ADAM22: variants seen among roughly 807,000 people sequenced by gnomAD.
ADAM22 encodes disintegrin and metalloproteinase domain-containing protein 22.
Under a neutral mutation model 144.6 loss-of-function variants are expected in ADAM22, and 65 were observed. The ratio of observed to expected loss-of-function variants is 0.45; its 90% CI spans 0.37 to 0.55. The LOEUF is 0.55. Among genes scored for constraint, ADAM22 ranks in the 20% least tolerant of loss-of-function variants. ADAM22 has a pLI of 0.00. For synonymous variants in ADAM22, 391 were observed against 412.6 expected (o/e 0.95, Z 0.63); for missense variants, 974 against 1,184.9 (o/e 0.82, Z 2.61).
chr7:87,940,053 G>T (rs1842158563), intron 2 of ADAM22, among the ~76,000 whole-genome samples: 1 of 151,994 alleles, frequency 6.6e-6, no homozygotes, highest in Non-Finnish European at 1.5e-5. Flanking sequence ...TTAGCCTGGT[G>T]TGGTGGTGGG....
chr7:88,136,511 A>C (rs1055861680), intron 14 of ADAM22, among the ~76,000 whole-genome samples: 4 of 152,128 alleles, frequency 2.6e-5, no homozygotes, highest in African/African-American at 9.7e-5. Context: ...AGAGAAATGT[A>C]CAATCTGCTC....
At chr7:87,988,509 A>G (rs1472763676) in intron 3 of ADAM22, among the ~76,000 whole-genome samples, 2 of 152,210 alleles carry the variant, frequency 1.3e-5, no homozygotes, top group Non-Finnish European at 2.9e-5. Context: ...ATAGTAGGAT[A>G]TATATTAAGT....
intron 4 of ADAM22, among the ~76,000 whole-genome samples, chr7:88,083,736 G>T (rs1285191416): frequency 6.6e-6 from 1 of 151,578 alleles, no homozygotes; most frequent in Admixed American, 6.6e-5. Flanking sequence ...TTAAAATCTG[G>T]TAATTCTTGT....
In ADAM22 at chr7:88,031,295, G is replaced by A. The variant is rs566767520; in HGVS notation, c.324-44331G>A. Among the ~76,000 whole-genome samples, 481 of 152,334 alleles carry A rather than the reference G, an allele frequency of 3.2e-3. 1 individual carries two copies. The highest frequency in any genetic ancestry group is 5.3e-3 in the Non-Finnish European group (363 of 68,026). On this transcript the variant is annotated intron_variant, in intron 3 of 31. Coordinates refer to ENST00000413139, the MANE Select transcript of ADAM22 (RefSeq NM_001324418.2). ...CTTTAAAACTGGGTAGTGGGCAGAG[G>A]ATGGAGCAGTTTGAAGGTTCAGAAG... is the stretch of plus-strand genomic sequence containing the variant.
intron 25 of ADAM22, among the ~76,000 whole-genome samples, chr7:88,170,645 A>G (rs918478295): frequency 6.6e-6 from 1 of 152,006 alleles, no homozygotes; most frequent in Non-Finnish European, 1.5e-5. Flanking sequence ...CAAACGTGAT[A>G]TGTATAATGT....
At chr7:87,937,504 C>T (rs1841519391) in intron 2 of ADAM22, among the ~76,000 whole-genome samples, 1 of 152,204 alleles carries the variant, frequency 6.6e-6, no homozygotes, top group South Asian at 2.1e-4. Flanking sequence ...CCTGGAAACT[C>T]ACAGAATCTC....
intron 20 of ADAM22, among the ~76,000 whole-genome samples, chr7:88,152,231 G>A (rs1302085255): frequency 6.6e-6 from 1 of 152,066 alleles, no homozygotes; most frequent in Admixed American, 6.6e-5. Context: ...CAAGAAGTAG[G>A]AAACATAACT....
rs559106991 is a variant in ADAM22 at position 87,950,384 on chromosome 7, C to T, written c.246+15198C>T. Among the ~76,000 whole-genome samples, 699 of 145,832 alleles carry T rather than the reference C, an allele frequency of 4.8e-3. 4 individuals are homozygous for T. The highest frequency in any genetic ancestry group is 0.013 in the African/African-American group (503 of 38,894). The stretch of plus-strand genomic sequence containing the variant: ...ATTCCCATCTATGAGTGAGAACATG[C>T]GGTGTTTGGTTTTTTGTTCTTGCCA... On this transcript the variant is annotated intron_variant, in intron 2 of 31. Transcript: ENST00000413139.
At chr7:87,993,495 A>C (rs1790395292) in intron 3 of ADAM22, among the ~76,000 whole-genome samples, 1 of 152,216 alleles carries the variant, frequency 6.6e-6, no homozygotes, top group Admixed American at 6.5e-5. Flanking sequence ...GCACACTGTG[A>C]AATTCATTTC....
chr7:87,971,945 C>A (rs1189894679), intron 2 of ADAM22, among the ~76,000 whole-genome samples: 3 of 152,196 alleles, frequency 2.0e-5, no homozygotes, highest in Non-Finnish European at 4.4e-5. Context: ...AATCCCAGCA[C>A]TTTGGGAGGC....
intron 10 of ADAM22, 93 bp from the exon 11 acceptor site, chr7:88,131,176 A>G (rs1831673087): frequency 1.9e-6 from 2 of 1,053,012 alleles, no homozygotes; most frequent in South Asian, 3.4e-5. Context: ...AAACTCAAAG[A>G]AGTTTCCATG....
At chr7:88,042,384 G>A (rs1323262853) in intron 3 of ADAM22, among the ~76,000 whole-genome samples, 1 of 151,180 alleles carries the variant, frequency 6.6e-6, no homozygotes, top group Admixed American at 6.6e-5. Flanking sequence ...TGTTGATCTG[G>A]TATATAGCTG....
intron 2 of ADAM22, among the ~76,000 whole-genome samples, chr7:87,937,111 T>G (rs2131182683): frequency 6.6e-6 from 1 of 152,148 alleles, no homozygotes; most frequent in Admixed American, 6.5e-5. Context: ...ATGTGCCACC[T>G]TATCTGGCTA....
Position 88,094,952 on chromosome 7 carries a change from C to T in ADAM22, c.391-13224C>T, listed in dbSNP as rs1284311719. On this transcript the variant is annotated intron_variant, in intron 4 of 31. Transcript: ENST00000413139. Reference sequence around the variant, plus strand: ...ACTTTGCCAGTTAATATACGTACGTCCTTAGACAATTTACTTATGCCTCCT... The same window carrying T: ...ACTTTGCCAGTTAATATACGTACGTTCTTAGACAATTTACTTATGCCTCCT... Among the ~76,000 whole-genome samples, 3 of 152,176 alleles carry T rather than the reference C, an allele frequency of 2.0e-5. No individual in the cohort carries two copies. The East Asian group carries it at 5.8e-4, about 29-fold the overall frequency.
chr7:88,115,691 G>GAC (rs1189242439), intron 6 of ADAM22, among the ~76,000 whole-genome samples: 2 of 152,088 alleles, frequency 1.3e-5, no homozygotes, highest in Non-Finnish European at 2.9e-5. Context: ...GAAGTCTGGG[G>GAC]ACACACACAC....
intron 3 of ADAM22, among the ~76,000 whole-genome samples, chr7:88,059,626 C>A (rs1040563802): frequency 6.6e-6 from 1 of 152,056 alleles, no homozygotes; most frequent in East Asian, 1.9e-4. Context: ...AGGCGCTGAT[C>A]GATGGTGGAC....
At chr7:88,120,712 C>T (rs1829075543) in intron 7 of ADAM22, among the ~76,000 whole-genome samples, 1 of 152,066 alleles carries the variant, frequency 6.6e-6, no homozygotes, top group Non-Finnish European at 1.5e-5. Context: ...ATATATTTTT[C>T]CCAGTCTTTG....
intron 3 of ADAM22, among the ~76,000 whole-genome samples, chr7:88,048,465 A>G (rs1445369261): frequency 2.0e-5 from 3 of 152,154 alleles, no homozygotes; most frequent in Non-Finnish European, 4.4e-5. Context: ...GTATTCACTC[A>G]AGATTAACCT....
At position 88,148,847 on chromosome 7, in the gene ADAM22, G is replaced by A. The variant is rs1837394078; in HGVS notation, c.1486-130G>A. ...AATTTTTTTCAGTAACTGTGGTTTT[G>A]ACAGATTACCATCTTACAGTAGTTT... On this transcript the variant is annotated intron_variant, in intron 17 of 31. Coordinates refer to ENST00000413139, the MANE Select transcript of ADAM22 (RefSeq NM_001324418.2). 24 of 643,994 alleles carry A rather than the reference G, an allele frequency of 3.7e-5. No individual in the cohort carries two copies. In the South Asian group the frequency reaches 5.0e-4, roughly 13 times the overall value. The allele number at this position is 643,994 out of a possible 1,614,324, so 39.9% of individuals were successfully genotyped here.
Sources: allele counts gnomAD v4.1 joint callset (sites outside exome capture counted in the v4.1 genomes callset), GRCh38; gene constraint gnomAD v4.1.1; transcripts MANE v1.5; gene names NCBI Gene and HGNC (gene_info 2026-07-23, HGNC 2026-07-21).